The following PCNT variants were observed in gnomAD, a reference collection of about 807,000 sequenced individuals.
PCNT encodes the protein kendrin.
A neutral mutation model predicts 380.4 loss-of-function variants in PCNT; 319 were observed. That is an observed-to-expected ratio of 0.84 (90% CI 0.77 to 0.92). PCNT has a LOEUF of 0.92. Among genes scored for constraint, PCNT ranks in the 40% least tolerant of loss-of-function variants. The probability of loss-of-function intolerance (pLI) is 0.00; values close to 1 mark genes in which losing one functional copy is unlikely to be tolerated. For missense variants in PCNT, 4,400 were observed against 4,255.3 expected, an observed-to-expected ratio of 1.03 and a Z score of -0.95; for synonymous variants, 1,845 against 1,735.2, an observed-to-expected ratio of 1.06 and a Z score of -1.57.
intron 27 of PCNT, among the ~76,000 whole-genome samples, chr21:46,409,860 C>T (rs1288872606): frequency 3.3e-5 from 5 of 152,160 alleles, no homozygotes; most frequent in Non-Finnish European, 5.9e-5. Context: ...TCCCAAAGTG[C>T]TGGGGTTACA....
intron 41 of PCNT, among the ~76,000 whole-genome samples, chr21:46,439,310 G>A (rs2053546393): frequency 6.6e-6 from 1 of 152,112 alleles, no homozygotes; most frequent in African/African-American, 2.4e-5. Context: ...CAGCCCGTCT[G>A]GGACCTCCTA....
rs936167827 is a variant in PCNT at position 46,442,650 on chromosome 21, A to C, written c.9700+77A>C. The C allele has an allele frequency of 3.2e-5, 30 of 941,514 alleles. No individual in the cohort carries two copies. In the East Asian group the frequency reaches 7.2e-4, roughly 23 times the overall value. The allele number at this position is 941,514 out of a possible 1,614,324, so 58.3% of individuals were successfully genotyped here. On this transcript the variant is annotated intron_variant, in intron 44 of 46. Transcript: ENST00000359568. ...TCTTGTTTTTCATTCACTTTGGGTC[A>C]TTTTTCAGTGTTGATGGGGACGTAA...
In PCNT at chr21:46,326,297, A is replaced by G. The variant is rs1048569350; in HGVS notation, c.55-80A>G. 4 of 1,374,860 alleles carry G rather than the reference A, an allele frequency of 2.9e-6. No individual in the cohort carries two copies. In the African/African-American group the frequency reaches 4.3e-5, roughly 15 times the overall value. 85.2% of individuals were successfully genotyped at this position (1,374,860 alleles called of 1,614,324 possible). A position where few individuals can be genotyped will look rare whatever the true frequency, so the allele number is the denominator to read the frequency against. On this transcript the variant is annotated intron_variant, in intron 1 of 46. Transcript: ENST00000359568. Reference sequence around the variant, plus strand: ...TCAGCCCTCGGGCCTCATGGTCCCCACCAGTCTGTTGACTTTGTGGTTCTG... The same window carrying G: ...TCAGCCCTCGGGCCTCATGGTCCCCGCCAGTCTGTTGACTTTGTGGTTCTG...
In PCNT at chr21:46,326,522, G is replaced by A. The variant is rs768590909; in HGVS notation, c.200G>A (p.Gly67Glu). The change falls in exon 2 of 47, where the codon GGG becomes GAG. Residue 67 changes from glycine (G) to glutamate (E), a missense_variant. Transcript: ENST00000359568. ...TKEDSALCGG[G>E]DICKSTSCDD... ...GAGGACAGCGCACTCTGTGGAGGAG[G>A]GGACATTTGCAAAAGCACATCATGT... The A allele has an allele frequency of 6.2e-7, 1 of 1,614,160 alleles. No homozygotes were observed. The highest frequency in any genetic ancestry group is 8.5e-7 in the Non-Finnish European group (1 of 1,180,026).
chr21:46,411,692 A>G lies in PCNT; in HGVS notation c.5619A>G (p.Arg1873=). Residue 1873 remains arginine (R), a synonymous_variant, in exon 28 of 47, where the codon AGA becomes AGG. Coordinates refer to ENST00000359568, the MANE Select transcript of PCNT (RefSeq NM_006031.6). ...CAAAGGAAGCGACGATTGCCGAGAGAAATTTAGAAATCGACGCTCTGAACC... is the reference window on the plus strand; with the variant it reads ...CAAAGGAAGCGACGATTGCCGAGAGGAATTTAGAAATCGACGCTCTGAACC... The part of the protein sequence containing the change: ...LKAKEATIAE[R]NLEIDALNQR... 4 of 1,612,846 alleles carry G rather than the reference A, an allele frequency of 2.5e-6. No individual in the cohort carries two copies. The highest frequency in any genetic ancestry group is 3.4e-6 in the Non-Finnish European group (4 of 1,179,832).
chr21:46,402,344 A>G lies in PCNT; in HGVS notation c.4976A>G (p.Lys1659Arg), dbSNP rs1489000111. ...TTTTAATGAAAGGTTTTGGACTTAA[A>G]AGAACAGCTAGAAAAGATGAAAGGT... Reference protein sequence around the residue: ...LRRESEVLDLKEQLEKMKGDL... With the variant: ...LRRESEVLDLREQLEKMKGDL... Residue 1659 changes from lysine to arginine, a missense_variant, in exon 27 of 47, where the codon AAA (lysine) becomes AGA (arginine). Transcript: ENST00000359568. The G allele has an allele frequency of 1.2e-6, 2 of 1,605,780 alleles. No individual in the cohort carries two copies. The highest frequency in any genetic ancestry group is 1.7e-6 in the Non-Finnish European group (2 of 1,172,600).
chr21:46,332,797 C>T (rs1210687184), intron 2 of PCNT, among the ~76,000 whole-genome samples: 1 of 152,206 alleles, frequency 6.6e-6, no homozygotes, highest in Non-Finnish European at 1.5e-5. Flanking sequence ...TTGAAATGTT[C>T]TTAGTGAATC....
At chr21:46,407,534 G>A (rs1412768755) in intron 27 of PCNT, among the ~76,000 whole-genome samples, 1 of 151,784 alleles carries the variant, frequency 6.6e-6, no homozygotes, top group Non-Finnish European at 1.5e-5. Flanking sequence ...TAGCACAGAC[G>A]GGGTTTCACC....
chr21:46,416,315 A>G lies in PCNT; in HGVS notation c.6397A>G (p.Thr2133Ala). Residue 2133 changes from threonine (T) to alanine (A), a missense_variant, in exon 30 of 47, where the codon ACA (threonine) becomes GCA (alanine). Transcript: ENST00000359568. ...CCACATAGACACATGTGATGCCAAT[A>G]CAGCCACGGGGGGTGTAACTGATGT... ...SPHIDTCDAN[T>A]ATGGVTDVIK... 1.9e-6 allele frequency: 3 copies of G among 1,613,952 alleles called. No homozygotes were observed. The highest frequency in any genetic ancestry group is 1.7e-6 in the Non-Finnish European group (2 of 1,179,904).
chr21:46,367,661 G>A (rs1455011000), intron 15 of PCNT, among the ~76,000 whole-genome samples: 1 of 152,140 alleles, frequency 6.6e-6, no homozygotes, highest in Non-Finnish European at 1.5e-5. Flanking sequence ...CAGGCACCTT[G>A]TTAAAGGCTT....
intron 2 of PCNT, among the ~76,000 whole-genome samples, chr21:46,333,419 G>A (rs2083619293): frequency 2.6e-5 from 4 of 151,124 alleles, no homozygotes; most frequent in Admixed American, 1.3e-4. Context: ...GTGACAGAGT[G>A]AGACTTCGTC....
chr21:46,443,753 C>G (rs1343607389), intron 44 of PCNT, 57 bp from the exon 45 acceptor site: 10 of 1,571,880 alleles, frequency 6.4e-6, no homozygotes, highest in Non-Finnish European at 8.8e-6. Flanking sequence ...TGGGCCTTTA[C>G]TAAAATGCAT....
chr21:46,374,415 C>T (rs1445051029), intron 15 of PCNT, among the ~76,000 whole-genome samples: 3 of 152,198 alleles, frequency 2.0e-5, no homozygotes, highest in Non-Finnish European at 4.4e-5. Flanking sequence ...TCTATTTGTT[C>T]CTGTGATGCT....
At chr21:46,421,945 G>C (rs1291177503) in intron 31 of PCNT, 25 bp from the exon 32 acceptor site, 2 of 1,613,006 alleles carry the variant, frequency 1.2e-6, no homozygotes, top group Non-Finnish European at 1.7e-6. Context: ...CTGTGGGTGG[G>C]ACCCTGACCC....
chr21:46,386,198 C>T (rs571668544), intron 17 of PCNT, among the ~76,000 whole-genome samples: 2 of 152,166 alleles, frequency 1.3e-5, no homozygotes, highest in Non-Finnish European at 1.5e-5. Context: ...TCCCAGCCCC[C>T]GTGCCCTCCT....
chr21:46,352,314 C>T (rs890221938), intron 9 of PCNT, among the ~76,000 whole-genome samples: 4 of 152,240 alleles, frequency 2.6e-5, no homozygotes, highest in African/African-American at 9.6e-5. Context: ...AGCCCTGCGC[C>T]CTGCCGGGAC....
intron 3 of PCNT, among the ~76,000 whole-genome samples, chr21:46,341,728 C>G (rs2083914719): frequency 6.6e-6 from 1 of 151,988 alleles, no homozygotes; most frequent in Non-Finnish European, 1.5e-5. Flanking sequence ...GTTGCCCATG[C>G]TGCAGTAAGT....
intron 3 of PCNT, among the ~76,000 whole-genome samples, chr21:46,336,942 C>G (rs1319468995): frequency 6.6e-6 from 1 of 151,608 alleles, no homozygotes; most frequent in Non-Finnish European, 1.5e-5. Flanking sequence ...GCTCTCACTT[C>G]TGCCATTTAT....
At chr21:46,402,229 G>A in intron 26 of PCNT, 102 bp from the exon 27 acceptor site, 1 of 794,042 alleles carries the variant, frequency 1.3e-6, no homozygotes, top group Non-Finnish European at 2.0e-6. Context: ...TTAGGCATGT[G>A]CATTTAAATA....
Sources: allele counts gnomAD v4.1 joint callset (sites outside exome capture counted in the v4.1 genomes callset), GRCh38; gene constraint gnomAD v4.1.1; transcripts MANE v1.5; gene names NCBI Gene and HGNC (gene_info 2026-07-23, HGNC 2026-07-21).